Variants in SLIT2 observed in about 807,000 individuals in gnomAD.
The protein encoded by SLIT2 is slit guidance ligand 2.
A neutral mutation model predicts 185.7 loss-of-function variants in SLIT2; 41 were observed. The ratio of observed to expected loss-of-function variants is 0.22; its 90% confidence interval spans 0.17 to 0.29. The LOEUF (loss-of-function observed/expected upper bound fraction) is 0.29. Among genes scored for constraint, SLIT2 ranks in the 10% least tolerant of loss-of-function variants. SLIT2 has a pLI of 1.00. For synonymous variants in SLIT2, 693 were observed against 680.2 expected (o/e 1.02, Z -0.29); for missense variants, 1,571 against 1,909.0 (o/e 0.82, Z 3.30).
chr4:20,591,837 A>T lies in SLIT2; in HGVS notation c.3182+2100A>T, dbSNP rs957175065. Reference sequence around the variant, plus strand: ...AAGTATAAGATAAAGTATTAGTAAGACTTAACTGAAACTATTAGAAAGTGA... The same window carrying T: ...AAGTATAAGATAAAGTATTAGTAAGTCTTAACTGAAACTATTAGAAAGTGA... On this transcript the variant is annotated intron_variant, in intron 30 of 36. Coordinates refer to ENST00000504154, the MANE Select transcript of SLIT2 (RefSeq NM_004787.4). 9.2e-5 allele frequency among the ~76,000 whole-genome samples: 14 copies of T among 152,118 alleles called. 1 individual carries two copies. The highest frequency in any genetic ancestry group is 3.4e-4 in the African/African-American group (14 of 41,422).
intron 4 of SLIT2, among the ~76,000 whole-genome samples, chr4:20,381,916 TATAAATACATATGTATTTATGC>T (rs1475789434): frequency 1.5e-5 from 2 of 129,976 alleles, no homozygotes; most frequent in Non-Finnish European, 1.8e-5. Context: ...TATGTATTTG[TATAAATACATATGTATTTATGC>T]ATAAATACAA....
chr4:20,277,455 C>T (rs1714278881), intron 4 of SLIT2, among the ~76,000 whole-genome samples: 1 of 151,770 alleles, frequency 6.6e-6, no homozygotes, highest in South Asian at 2.1e-4. Context: ...TTGGACACTA[C>T]TTTTGTGTAA....
At chr4:20,344,015 T>A (rs1014190338) in intron 4 of SLIT2, among the ~76,000 whole-genome samples, 5 of 152,022 alleles carry the variant, frequency 3.3e-5, no homozygotes, top group African/African-American at 1.2e-4. Context: ...CACACCCGGC[T>A]AATGTTTTGT....
At chr4:20,555,802 C>G (rs1050869970) in intron 26 of SLIT2, among the ~76,000 whole-genome samples, 3 of 151,676 alleles carry the variant, frequency 2.0e-5, no homozygotes, top group Non-Finnish European at 4.4e-5. Context: ...AATATCAGAG[C>G]TAATTTTATA....
At chr4:20,369,486 A>G (rs979877435) in intron 4 of SLIT2, among the ~76,000 whole-genome samples, 2 of 152,072 alleles carry the variant, frequency 1.3e-5, no homozygotes, top group African/African-American at 4.8e-5. Flanking sequence ...AGTACTTGCA[A>G]CAAAGACTGT....
intron 4 of SLIT2, among the ~76,000 whole-genome samples, chr4:20,368,546 C>T (rs1208729904): frequency 6.6e-6 from 1 of 152,016 alleles, no homozygotes. Flanking sequence ...GGAGGTTTCC[C>T]AGCAACAAAT....
chr4:20,468,258 A>G (rs759389696), intron 5 of SLIT2, among the ~76,000 whole-genome samples: 5 of 152,078 alleles, frequency 3.3e-5, no homozygotes, highest in Non-Finnish European at 5.9e-5. Flanking sequence ...GAGAATATGG[A>G]CTATTATTTT....
Position 20,617,648 on chromosome 4 carries a change from G to C in SLIT2, c.4346G>C (p.Arg1449Pro), listed in dbSNP as rs752585118. 3 of 1,608,614 alleles carry C rather than the reference G, an allele frequency of 1.9e-6. No homozygotes were observed. Among genetic ancestry groups the C allele is most frequent in the Non-Finnish European group, 2.5e-6 (3 of 1,178,374 alleles). ...SSGYTGDSCD[R>P]EISCRGERIR... ...GGATACACGGGGGACAGCTGTGATC[G>C]AGGTAAGCCAGCCCCACTGGGCACC... Residue 1449 changes from arginine (R) to proline (P), a missense_variant and splice_region_variant, in exon 36 of 37, where the codon CGA (arginine) becomes CCA (proline). Physicochemically the swap from Arg to Pro is moderately radical, Grantham distance 103 (BLOSUM62 -2). This residue lies in a region of SLIT2 where 223 missense variants were observed against 245.2 expected (regional missense o/e 0.91). Transcript: ENST00000504154.
rs1413255965 is a variant in SLIT2, at chr4:20,620,242, A to T, written c.*1233A>T. The T allele has an allele frequency of 6.1e-6, 2 of 326,972 alleles. No homozygotes were observed. Among genetic ancestry groups the T allele is most frequent in the South Asian group, 5.1e-5 (2 of 39,036 alleles). 20.3% of individuals were successfully genotyped at this position (326,972 alleles called of 1,614,324 possible). ...CCTTTTGTGGGGGTGAGGTGGGGAT[A>T]AAAAGACTGTCATATCAAGAACTGT... On this transcript the variant is annotated 3_prime_UTR_variant, in exon 37 of 37. Transcript: ENST00000504154.
Position 20,602,327 on chromosome 4 carries a change from G to A in SLIT2, c.3692+3932G>A, listed in dbSNP as rs892129251. ...GAAAACACAGCCAACTATGTTAAAA[G>A]TTAAAAGACAGTAGTTAACATAGCT... On this transcript the variant is annotated intron_variant, in intron 33 of 36. Transcript: ENST00000504154. Among the ~76,000 whole-genome samples the A allele has an allele frequency of 3.3e-5, 5 of 152,170 alleles. 1 individual carries two copies. Among genetic ancestry groups the A allele is most frequent in the South Asian group, 4.1e-4 (2 of 4,836 alleles).
chr4:20,308,713 AC>A (rs1717804671), intron 4 of SLIT2, among the ~76,000 whole-genome samples: 1 of 152,142 alleles, frequency 6.6e-6, no homozygotes, highest in African/African-American at 2.4e-5. Flanking sequence ...TAATTTTTGT[AC>A]ATATGGGTAT....
At chr4:20,255,066 G>T (rs1168479186) in intron 1 of SLIT2, 3 of 456,216 alleles carry the variant, frequency 6.6e-6, no homozygotes, top group South Asian at 4.6e-5. Flanking sequence ...CGCCAGTCCG[G>T]CCGCCCTAGG....
chr4:20,329,524 A>T (rs1719889343), intron 4 of SLIT2, among the ~76,000 whole-genome samples: 1 of 152,166 alleles, frequency 6.6e-6, no homozygotes, highest in Non-Finnish European at 1.5e-5. Context: ...TTCACAAAGA[A>T]GGTAGCATTT....
At chr4:20,606,460 T>G (rs904531881) in intron 33 of SLIT2, among the ~76,000 whole-genome samples, 1 of 148,234 alleles carries the variant, frequency 6.7e-6, no homozygotes, top group Non-Finnish European at 1.5e-5. Flanking sequence ...CCAGCCTGGC[T>G]GACAGAGCGA....
intron 4 of SLIT2, among the ~76,000 whole-genome samples, chr4:20,327,652 C>A (rs1382397163): frequency 6.6e-6 from 1 of 151,848 alleles, no homozygotes; most frequent in East Asian, 1.9e-4. Context: ...AGAATTATTT[C>A]TTATGTGAAG....
At chr4:20,409,076 C>G (rs1553896540) in intron 4 of SLIT2, among the ~76,000 whole-genome samples, 5 of 152,006 alleles carry the variant, frequency 3.3e-5, no homozygotes, top group Non-Finnish European at 7.4e-5. Flanking sequence ...TAATTTCCAA[C>G]TTTTGTTTTA....
chr4:20,380,907 A>G (rs897388863), intron 4 of SLIT2, among the ~76,000 whole-genome samples: 3 of 152,164 alleles, frequency 2.0e-5, no homozygotes, highest in Non-Finnish European at 4.4e-5. Context: ...TAATAAACTC[A>G]ATGAACAAGA....
intron 5 of SLIT2, among the ~76,000 whole-genome samples, chr4:20,468,905 G>A (rs944445965): frequency 6.7e-6 from 1 of 150,194 alleles, no homozygotes; most frequent in Admixed American, 6.7e-5. Flanking sequence ...TGTCAAAGAA[G>A]ACAACTGTTT....
intron 4 of SLIT2, among the ~76,000 whole-genome samples, chr4:20,280,357 A>G (rs7668991): frequency 0.035 from 5,323 of 150,688 alleles, 240 homozygotes; most frequent in East Asian, 0.1. Flanking sequence ...AAAAAGAACA[A>G]CAACAAAAAA....
Sources: allele counts gnomAD v4.1 joint callset (sites outside exome capture counted in the v4.1 genomes callset), GRCh38; gene constraint gnomAD v4.1.1; regional missense constraint gnomAD v4.1.1; transcripts MANE v1.5; gene names NCBI Gene and HGNC (gene_info 2026-07-23, HGNC 2026-07-21).